Variants in RETREG1 observed in about 807,000 individuals in gnomAD.
RETREG1 encodes the protein family with sequence similarity 134 member B.
Under a neutral mutation model 54.8 loss-of-function variants are expected in RETREG1, and 44 were observed. The ratio of observed to expected loss-of-function variants is 0.80; its 90% CI spans 0.63 to 1.03. The LOEUF is 1.03. Among genes scored for constraint, RETREG1 ranks in the 50% least tolerant of loss-of-function variants. RETREG1 has a pLI of 0.00. For synonymous variants in RETREG1, 217 were observed against 238.5 expected, an observed-to-expected ratio of 0.91 and a Z score of 0.83; for missense variants, 554 against 605.1, an observed-to-expected ratio of 0.92 and a Z score of 0.89.
chr5:16,554,481 C>A (rs1292492374), intron 3 of RETREG1, among the ~76,000 whole-genome samples: 1 of 152,228 alleles, frequency 6.6e-6, no homozygotes, highest in Non-Finnish European at 1.5e-5. Context: ...TGCGGGCACA[C>A]CCTCTTTTTC....
intron 1 of RETREG1, among the ~76,000 whole-genome samples, chr5:16,611,492 C>T (rs1014884938): frequency 1.3e-5 from 2 of 152,150 alleles, no homozygotes; most frequent in Non-Finnish European, 2.9e-5. Flanking sequence ...TTCAATACAG[C>T]GATCAGCAAG....
chr5:16,574,481 C>T (rs1463954204), intron 1 of RETREG1, among the ~76,000 whole-genome samples: 1 of 152,140 alleles, frequency 6.6e-6, no homozygotes, highest in Non-Finnish European at 1.5e-5. Flanking sequence ...TGGTGAAAAG[C>T]AGATCAACAT....
chr5:16,500,609 A>C (rs546033073), intron 3 of RETREG1, among the ~76,000 whole-genome samples: 5 of 152,274 alleles, frequency 3.3e-5, no homozygotes, highest in Admixed American at 2.0e-4. Flanking sequence ...AAAAGACTAA[A>C]GCAAACCAGC....
chr5:16,526,420 C>T (rs1281905517), intron 3 of RETREG1, among the ~76,000 whole-genome samples: 2 of 152,168 alleles, frequency 1.3e-5, no homozygotes, highest in East Asian at 1.9e-4. Context: ...AGGAATGAGG[C>T]TTTGAGACCC....
intron 1 of RETREG1, among the ~76,000 whole-genome samples, chr5:16,598,843 T>C (rs1742972436): frequency 6.6e-6 from 1 of 152,196 alleles, no homozygotes; most frequent in Admixed American, 6.5e-5. Context: ...ATTTAGAGTT[T>C]GATACTGGGG....
chr5:16,562,754 C>T (rs1378774596), intron 3 of RETREG1, among the ~76,000 whole-genome samples: 2 of 152,106 alleles, frequency 1.3e-5, no homozygotes, highest in Non-Finnish European at 2.9e-5. Context: ...CAAAACTGCC[C>T]ATATCAACCA....
rs200620148 is a variant in RETREG1, at chr5:16,508,560, C to T, written c.459-25088G>A. Reference sequence around the variant, plus strand: ...AAACAGACTGAAGAATAAGTACGTACGTATATATCACAATTACCTTTTGCC... The same window carrying T: ...AAACAGACTGAAGAATAAGTACGTATGTATATATCACAATTACCTTTTGCC... On this transcript the variant is annotated intron_variant, in intron 3 of 8. Transcript: ENST00000306320. 3.6e-5 allele frequency: 58 copies of T among 1,608,038 alleles called. No homozygotes were observed. The African/African-American group carries it at 6.4e-4, about 18-fold the overall frequency.
At chr5:16,568,674 C>T (rs1742088272) in intron 2 of RETREG1, among the ~76,000 whole-genome samples, 1 of 151,968 alleles carries the variant, frequency 6.6e-6, no homozygotes, top group Non-Finnish European at 1.5e-5. Context: ...TGGTAGTTGC[C>T]AGGGGCTGGA....
chr5:16,547,766 G>A (rs550576172), intron 3 of RETREG1, among the ~76,000 whole-genome samples: 10 of 152,242 alleles, frequency 6.6e-5, no homozygotes, highest in Non-Finnish European at 1.0e-4. Flanking sequence ...ACATTTTAAC[G>A]TCAAATCTGC....
At chr5:16,507,224 T>C (rs1739994758) in intron 3 of RETREG1, among the ~76,000 whole-genome samples, 1 of 152,288 alleles carries the variant, frequency 6.6e-6, no homozygotes, top group East Asian at 1.9e-4. Flanking sequence ...CCCATAAATA[T>C]GTACTGCACA....
At chr5:16,567,010 T>C (rs1026817818) in intron 2 of RETREG1, among the ~76,000 whole-genome samples, 3 of 152,204 alleles carry the variant, frequency 2.0e-5, no homozygotes, top group African/African-American at 7.2e-5. Flanking sequence ...TAGATGATGG[T>C]ATAGGATGGG....
intron 3 of RETREG1, among the ~76,000 whole-genome samples, chr5:16,562,613 T>A (rs1741888274): frequency 6.6e-6 from 1 of 152,210 alleles, no homozygotes. Flanking sequence ...CGATGGCTTG[T>A]ACCCTTGATA....
At chr5:16,584,476 G>A (rs1027034153) in intron 1 of RETREG1, among the ~76,000 whole-genome samples, 12 of 152,126 alleles carry the variant, frequency 7.9e-5, no homozygotes, top group African/African-American at 2.9e-4. Context: ...AACATCTCCT[G>A]GCTTTATTTA....
chr5:16,522,593 G>T (rs767329172), intron 3 of RETREG1, among the ~76,000 whole-genome samples: 60 of 152,278 alleles, frequency 3.9e-4, no homozygotes, highest in Non-Finnish European at 7.1e-4. Context: ...AGACTTTCAT[G>T]GTGTTAATCC....
chr5:16,522,603 C>T (rs542625553), intron 3 of RETREG1, among the ~76,000 whole-genome samples: 89 of 152,246 alleles, frequency 5.8e-4, no homozygotes, highest in African/African-American at 2.0e-3. Context: ...GGTGTTAATC[C>T]CCAATCTCCT....
At chr5:16,613,394 A>G (rs1303706962) in intron 1 of RETREG1, among the ~76,000 whole-genome samples, 1 of 152,108 alleles carries the variant, frequency 6.6e-6, no homozygotes, top group African/African-American at 2.4e-5. Context: ...CTTATTAAGA[A>G]CCCCACAATC....
At chr5:16,549,692 G>T (rs1010598966) in intron 3 of RETREG1, among the ~76,000 whole-genome samples, 4 of 152,078 alleles carry the variant, frequency 2.6e-5, no homozygotes. Context: ...ATTTAAATGT[G>T]CAATTTATTC....
intron 3 of RETREG1, among the ~76,000 whole-genome samples, chr5:16,502,731 A>G (rs170805): frequency 6.6e-6 from 1 of 152,004 alleles, no homozygotes; most frequent in Non-Finnish European, 1.5e-5. Context: ...CAGCTATAAC[A>G]TCCTTTAGTG....
chr5:16,508,741 C>T (rs369717741), intron 3 of RETREG1: 32 of 1,522,582 alleles, frequency 2.1e-5, no homozygotes, highest in Middle Eastern at 3.5e-4. Flanking sequence ...CCAGTAGAGA[C>T]GTTCTTTCCT....
Sources: gnomAD v4.1 joint callset for allele counts (sites outside exome capture counted in the v4.1 genomes callset) on GRCh38, gnomAD v4.1.1 for gene constraint, MANE v1.5 for transcripts, NCBI Gene and HGNC (gene_info 2026-07-23, HGNC 2026-07-21) for gene names.